FAT3: variants seen among roughly 807,000 people sequenced by gnomAD.
FAT3 encodes the protein protocadherin Fat 3.
A neutral mutation model predicts 310.2 loss-of-function variants in FAT3; 95 were observed. That is an observed-to-expected ratio of 0.31 (90% CI 0.26 to 0.36). The LOEUF is 0.36. FAT3 is among the 10% of genes least tolerant of loss of function. The pLI, the probability that FAT3 is intolerant of heterozygous loss-of-function variation, is 1.00. For synonymous variants in FAT3, 2,314 were observed against 2,192.9 expected, an observed-to-expected ratio of 1.06 and a Z score of -1.54; for missense variants, 5,408 against 5,715.6, an observed-to-expected ratio of 0.95 and a Z score of 1.74.
At chr11:92,521,101 G>A (rs534696927) in intron 2 of FAT3, among the ~76,000 whole-genome samples, 4 of 152,164 alleles carry the variant, frequency 2.6e-5, no homozygotes, top group African/African-American at 9.6e-5. Context: ...GAATCGCAAA[G>A]CAATTTTGTG....
chr11:92,707,377 T>C (rs1022531382), intron 4 of FAT3, among the ~76,000 whole-genome samples: 2 of 152,204 alleles, frequency 1.3e-5, no homozygotes, highest in African/African-American at 4.8e-5. Flanking sequence ...AGACTCTGCT[T>C]TGTTTTCACT....
intron 3 of FAT3, 29 bp from the exon 4 acceptor site, chr11:92,697,355 A>C (rs1051756617): frequency 1.2e-6 from 2 of 1,607,050 alleles, no homozygotes; most frequent in African/African-American, 2.7e-5. Context: ...CCAGATATTT[A>C]AAAGTCAAAT....
intron 13 of FAT3, among the ~76,000 whole-genome samples, chr11:92,817,409 A>G (rs1013603661): frequency 6.6e-6 from 1 of 152,204 alleles, no homozygotes; most frequent in African/African-American, 2.4e-5. Context: ...ATTAACAGAA[A>G]ATTGGAAAGA....
intron 4 of FAT3, among the ~76,000 whole-genome samples, chr11:92,745,940 G>A (rs1309984048): frequency 1.3e-5 from 2 of 152,186 alleles, no homozygotes; most frequent in African/African-American, 4.8e-5. Context: ...GGTGGATTAT[G>A]AGCTGACTTT....
intron 3 of FAT3, among the ~76,000 whole-genome samples, chr11:92,585,741 G>T (rs1436339935): frequency 1.3e-5 from 2 of 151,880 alleles, no homozygotes; most frequent in African/African-American, 2.4e-5. Flanking sequence ...CAGGTTCCAT[G>T]CTCTTAGCCA....
intron 4 of FAT3, among the ~76,000 whole-genome samples, chr11:92,743,249 C>T (rs1945559246): frequency 6.6e-6 from 1 of 152,118 alleles, no homozygotes; most frequent in African/African-American, 2.4e-5. Context: ...AGGGGAGCAC[C>T]TTGTGGCCTT....
In FAT3 at chr11:92,333,518, T is replaced by C. The variant is rs1307260672; in HGVS notation, c.-17-18578T>C. Among the ~76,000 whole-genome samples, 5 of 152,248 alleles carry C rather than the reference T, an allele frequency of 3.3e-5. No individual in the cohort carries two copies. In the East Asian group the frequency reaches 9.7e-4, roughly 29 times the overall value. ...CCAGCTGTCTCTCTGCACCTTGCCT[T>C]CTTCTCTTCTCTATACAAGTGTGTT... is the stretch of plus-strand genomic sequence containing the variant. On this transcript the variant is annotated intron_variant, in intron 1 of 27. Coordinates refer to ENST00000525166, the MANE Select transcript of FAT3 (RefSeq NM_001367949.2).
chr11:92,556,484 C>A (rs994041435), intron 3 of FAT3, among the ~76,000 whole-genome samples: 1 of 152,140 alleles, frequency 6.6e-6, no homozygotes, highest in Non-Finnish European at 1.5e-5. Flanking sequence ...ACACTGAATT[C>A]TCATAATCCT....
At chr11:92,276,045 A>G (rs368437011) in intron 1 of FAT3, among the ~76,000 whole-genome samples, 8 of 152,106 alleles carry the variant, frequency 5.3e-5, no homozygotes, top group African/African-American at 1.9e-4. Context: ...AAAAGAGGCC[A>G]CTTTGTTGAC....
intron 4 of FAT3, among the ~76,000 whole-genome samples, chr11:92,733,721 A>T (rs768439462): frequency 2.0e-5 from 3 of 152,120 alleles, no homozygotes; most frequent in Non-Finnish European, 4.4e-5. Flanking sequence ...TATGTTTTAG[A>T]TGCAAGGGGG....
intron 2 of FAT3, among the ~76,000 whole-genome samples, chr11:92,398,917 TCTTA>T (rs1417426546): frequency 6.6e-6 from 1 of 152,158 alleles, no homozygotes; most frequent in Non-Finnish European, 1.5e-5. Flanking sequence ...ATAAACACAA[TCTTA>T]CTTCAGAGGA....
At chr11:92,783,587 A>G (rs1466633826) in intron 7 of FAT3, among the ~76,000 whole-genome samples, 1 of 151,326 alleles carries the variant, frequency 6.6e-6, no homozygotes, top group East Asian at 1.9e-4. Context: ...TGGAAGGATC[A>G]CTTGAGGCTA....
intron 4 of FAT3, among the ~76,000 whole-genome samples, chr11:92,705,745 G>A (rs201347042): frequency 7.9e-5 from 1 of 12,660 alleles, no homozygotes; most frequent in African/African-American, 3.3e-4. Flanking sequence ...GATGGTGGTG[G>A]GTGATGGTGC....
intron 2 of FAT3, among the ~76,000 whole-genome samples, chr11:92,516,501 A>C (rs1306110000): frequency 6.6e-6 from 1 of 152,262 alleles, no homozygotes; most frequent in Non-Finnish European, 1.5e-5. Flanking sequence ...AAATAATAAG[A>C]GCTATTTATG....
At chr11:92,613,654 G>C (rs541012783) in intron 3 of FAT3, among the ~76,000 whole-genome samples, 114 of 152,296 alleles carry the variant, frequency 7.5e-4, no homozygotes, top group Admixed American at 1.6e-3. Context: ...CTAGGAAAAT[G>C]AGGAAGCTGA....
At chr11:92,618,322 G>T (rs7106096) in intron 3 of FAT3, among the ~76,000 whole-genome samples, 1 of 152,138 alleles carries the variant, frequency 6.6e-6, no homozygotes, top group Non-Finnish European at 1.5e-5. Flanking sequence ...TGCTAAGACC[G>T]TTGGAAAAGT....
At chr11:92,515,841 G>C (rs1372706455) in intron 2 of FAT3, among the ~76,000 whole-genome samples, 6 of 152,102 alleles carry the variant, frequency 3.9e-5, no homozygotes, top group Non-Finnish European at 8.8e-5. Flanking sequence ...TGATAGTGAT[G>C]ATAGTGGTTG....
At chr11:92,318,196 C>G (rs1947517315) in intron 1 of FAT3, among the ~76,000 whole-genome samples, 2 of 152,082 alleles carry the variant, frequency 1.3e-5, no homozygotes, top group African/African-American at 4.8e-5. Context: ...GATATCCTAT[C>G]CCATAGAGAC....
intron 26 of FAT3, 134 bp from the exon 27 acceptor site, chr11:92,889,722 A>G (rs1012727972): frequency 2.9e-5 from 18 of 628,990 alleles, no homozygotes; most frequent in Non-Finnish European, 5.3e-5. Flanking sequence ...GGGAAGAAAT[A>G]AAAAAGGCTA....
Sources: allele counts gnomAD v4.1 joint callset (sites outside exome capture counted in the v4.1 genomes callset), GRCh38; gene constraint gnomAD v4.1.1; transcripts MANE v1.5; gene names NCBI Gene and HGNC (gene_info 2026-07-23, HGNC 2026-07-21).